Variants in NOX3 observed in about 807,000 individuals in gnomAD.
NOX3 encodes the protein NADPH oxidase catalytic subunit-like 3.
A neutral mutation model predicts 76.7 loss-of-function variants in NOX3; 74 were observed. The ratio of observed to expected loss-of-function variants is 0.96; its 90% CI spans 0.80 to 1.17. The LOEUF is 1.17. Ranked by LOEUF, NOX3 falls within the 50% of genes most tolerant of loss-of-function variation. The pLI is 0.00. For synonymous variants in NOX3, 263 were observed against 261.1 expected (o/e 1.01, Z -0.07); for missense variants, 695 against 703.3 (o/e 0.99, Z 0.13).
intron 10 of NOX3, among the ~76,000 whole-genome samples, chr6:155,419,995 A>G (rs1014538466): frequency 1.3e-5 from 2 of 152,066 alleles, no homozygotes; most frequent in Non-Finnish European, 2.9e-5. Context: ...CAATATTTTT[A>G]CTATATATAT....
intron 7 of NOX3, among the ~76,000 whole-genome samples, chr6:155,432,052 T>C (rs1776841410): frequency 6.6e-6 from 1 of 152,198 alleles, no homozygotes; most frequent in East Asian, 1.9e-4. Context: ...AATTCTTTTT[T>C]TTCTTTTTAA....
chr6:155,403,070 G>A (rs932277415), intron 12 of NOX3, among the ~76,000 whole-genome samples: 1 of 152,276 alleles, frequency 6.6e-6, no homozygotes, highest in East Asian at 1.9e-4. Flanking sequence ...TTTGTCCTTT[G>A]TGCAGAACAG....
At chr6:155,445,887 CTA>C (rs200404134) in intron 4 of NOX3, among the ~76,000 whole-genome samples, 16,549 of 119,446 alleles carry the variant, frequency 0.14, 1,731 homozygotes, top group East Asian at 0.62. Context: ...TATATATATG[CTA>C]TATATATATA....
intron 7 of NOX3, among the ~76,000 whole-genome samples, chr6:155,433,050 C>T (rs988805757): frequency 1.3e-5 from 2 of 152,198 alleles, no homozygotes; most frequent in Non-Finnish European, 2.9e-5. Flanking sequence ...TACAAATAAT[C>T]TTCCCCACCC....
At chr6:155,438,385 G>A (rs1320935324) in intron 6 of NOX3, among the ~76,000 whole-genome samples, 3 of 152,208 alleles carry the variant, frequency 2.0e-5, no homozygotes, top group East Asian at 3.8e-4. Context: ...CTCTAGCCAG[G>A]CAGCAGAGTA....
intron 12 of NOX3, among the ~76,000 whole-genome samples, chr6:155,398,091 A>G (rs1779163437): frequency 1.3e-5 from 2 of 152,342 alleles, no homozygotes; most frequent in African/African-American, 4.8e-5. Context: ...CTTGTCTTGA[A>G]TATTACTATT....
At chr6:155,432,046 CT>C (rs1235356860) in intron 7 of NOX3, among the ~76,000 whole-genome samples, 5 of 151,938 alleles carry the variant, frequency 3.3e-5, no homozygotes, top group African/African-American at 7.2e-5. Context: ...TACTCTAATT[CT>C]TTTTTTTCTT....
At chr6:155,420,774 T>C (rs1364916481) in intron 10 of NOX3, among the ~76,000 whole-genome samples, 2 of 152,206 alleles carry the variant, frequency 1.3e-5, no homozygotes, top group Non-Finnish European at 2.9e-5. Context: ...ATGCCCAGTT[T>C]CCTTCCTGTT....
chr6:155,407,098 C>G (rs12524299), intron 12 of NOX3, 32 bp downstream of exon 12: 2 of 1,613,008 alleles, frequency 1.2e-6, no homozygotes, highest in Non-Finnish European at 1.7e-6. Context: ...AGAGAAGAGC[C>G]TGGCAGGGAG....
chr6:155,408,360 T>A (rs974056654), intron 11 of NOX3, among the ~76,000 whole-genome samples: 13 of 152,182 alleles, frequency 8.5e-5, no homozygotes, highest in African/African-American at 3.1e-4. Flanking sequence ...TTCTCACTTC[T>A]GGGGATCTGT....
intron 13 of NOX3, among the ~76,000 whole-genome samples, chr6:155,396,532 C>T (rs867424468): frequency 6.6e-6 from 1 of 152,008 alleles, no homozygotes; most frequent in African/African-American, 2.4e-5. Flanking sequence ...TGTGGATGGT[C>T]GATGTGCGAA....
Position 155,436,419 on chromosome 6 carries a change from G to T in NOX3, c.797C>A (p.Ser266Ter). The change falls in exon 7 of 14, where the codon TCG (serine) becomes TAG (stop). Residue 266 changes from serine to a stop codon, truncating the protein, a stop_gained and splice_region_variant. Coordinates refer to ENST00000159060, the MANE Select transcript of NOX3 (RefSeq NM_015718.3). LOFTEE classifies it high-confidence loss of function. ...AAAAGCTCCTGGGTTCATTCTTACC[G>T]AGGGTTCCTTGCCAGAAAATTGAGG... The part of the protein sequence containing the change: ...PVPQFSGKEP[S>*]AWKWILGPVV... The T allele has an allele frequency of 6.2e-7, 1 of 1,613,942 alleles. No homozygotes were observed. The highest frequency in any genetic ancestry group is 8.5e-7 in the Non-Finnish European group (1 of 1,179,918).
At chr6:155,423,629 T>A (rs963252264) in intron 9 of NOX3, among the ~76,000 whole-genome samples, 10 of 152,182 alleles carry the variant, frequency 6.6e-5, no homozygotes, top group African/African-American at 2.4e-4. Context: ...GAGATATTAA[T>A]ATTCTTAAAA....
chr6:155,432,046 C>CT (rs1235356860), intron 7 of NOX3, among the ~76,000 whole-genome samples: 4 of 151,818 alleles, frequency 2.6e-5, no homozygotes, highest in Non-Finnish European at 2.9e-5. Context: ...TACTCTAATT[C>CT]TTTTTTTTCT....
At chr6:155,436,312 G>A (rs1240211142) in intron 7 of NOX3, 106 bp downstream of exon 7, 2 of 1,287,742 alleles carry the variant, frequency 1.6e-6, no homozygotes, top group East Asian at 2.3e-5. Context: ...TAAAGAGTTG[G>A]CTTTGTCTAG....
At chr6:155,403,337 T>C (rs1779259571) in intron 12 of NOX3, among the ~76,000 whole-genome samples, 1 of 152,240 alleles carries the variant, frequency 6.6e-6, no homozygotes, top group South Asian at 2.1e-4. Flanking sequence ...CCCAGGGATC[T>C]GGCATTCCAG....
chr6:155,455,114 T>C lies in NOX3; in HGVS notation c.64A>G (p.Ile22Val), dbSNP rs763521168. 7 of 1,610,646 alleles carry C rather than the reference T, an allele frequency of 4.3e-6. No individual in the cohort carries two copies. In the African/African-American group the frequency reaches 8.0e-5, roughly 18 times the overall value. ...GTGTCAATAAACAGATAAAAATTTATTCCCAGCCATGAGAGCTAGAGTAGA... is the reference window on the plus strand; with the variant it reads ...GTGTCAATAAACAGATAAAAATTTACTCCCAGCCATGAGAGCTAGAGTAGA... ...STILVLSWLG[I>V]NFYLFIDTFY... Residue 22 changes from isoleucine to valine, a missense_variant, in exon 2 of 14, where the codon ATA becomes GTA. Ile to Val is a conservative substitution (Grantham distance 29). Coordinates refer to ENST00000159060, the MANE Select transcript of NOX3 (RefSeq NM_015718.3).
chr6:155,444,702 T>C (rs1451669063), intron 4 of NOX3, among the ~76,000 whole-genome samples: 1 of 152,224 alleles, frequency 6.6e-6, no homozygotes, highest in Non-Finnish European at 1.5e-5. Flanking sequence ...AGTGCTTATT[T>C]ATGATGAAAA....
Position 155,411,343 on chromosome 6 carries a change from A to C in NOX3, c.1326T>G (p.Ile442Met), listed in dbSNP as rs760057866. ...ACTCAAAAGCTCTTGCATCCCGGCA[A>C]ATCCAGTAGAAATACACCTGTCAAG... ...LKLSKVYFYW[I>M]CRDARAFEWF... The change falls in exon 11 of 14, where the codon ATT (isoleucine) becomes ATG (methionine). Residue 442 changes from isoleucine to methionine, a missense_variant. Transcript: ENST00000159060. The C allele has an allele frequency of 3.1e-6, 5 of 1,613,758 alleles. No homozygotes were observed. The highest frequency in any genetic ancestry group is 3.4e-6 in the Non-Finnish European group (4 of 1,179,792).
Sources: allele counts gnomAD v4.1 joint callset (sites outside exome capture counted in the v4.1 genomes callset), GRCh38; gene constraint gnomAD v4.1.1; transcripts MANE v1.5; gene names NCBI Gene and HGNC (gene_info 2026-07-23, HGNC 2026-07-21).